Variants in MFHAS1 observed in about 807,000 individuals in gnomAD.
The protein encoded by MFHAS1 is malignant fibrous histiocytoma-amplified sequence 1.
In MFHAS1, 50 loss-of-function variants were observed where a neutral mutation model predicts 70.4. That is an observed-to-expected ratio of 0.71 (90% CI 0.57 to 0.90). MFHAS1 has a LOEUF of 0.90. Among genes scored for constraint, MFHAS1 ranks in the 40% least tolerant of loss-of-function variants. MFHAS1 has a pLI of 0.00. For missense variants in MFHAS1, 1,795 were observed against 1,347.6 expected, an observed-to-expected ratio of 1.33 and a Z score of -5.20; for synonymous variants, 952 against 620.0, an observed-to-expected ratio of 1.54 and a Z score of -7.96.
intron 1 of MFHAS1, among the ~76,000 whole-genome samples, chr8:8,841,011 G>A (rs183967627): frequency 6.6e-6 from 1 of 152,274 alleles, no homozygotes; most frequent in Admixed American, 6.5e-5. Flanking sequence ...CCCATCACAT[G>A]TAATATTTTA....
At position 8,891,117 on chromosome 8, in the gene MFHAS1, G is replaced by A; in HGVS notation, c.1942C>T (p.His648Tyr). 6.2e-7 allele frequency: 1 copy of A among 1,613,842 alleles called. No individual in the cohort carries two copies. Among genetic ancestry groups the A allele is most frequent in the Non-Finnish European group, 8.5e-7 (1 of 1,180,032 alleles). The change falls in exon 1 of 3, where the codon CAC (histidine) becomes TAC (tyrosine). Residue 648 changes from histidine (H) to tyrosine (Y), a missense_variant. Transcript: ENST00000276282. This position sits in a 1 kb window ranked among gnomAD's most constrained non-coding sequence, Gnocchi z 5.4. ...TGTAAGTTGGGGAAGATCTCTCGGTGCTCAGCAACTGACAGCAACTTGTCC... is the reference window on the plus strand; with the variant it reads ...TGTAAGTTGGGGAAGATCTCTCGGTACTCAGCAACTGACAGCAACTTGTCC... ...LRDKLLSVAE[H>Y]REIFPNLHRV...
At chr8:8,821,066 G>T (rs913563214) in intron 1 of MFHAS1, among the ~76,000 whole-genome samples, 1 of 152,162 alleles carries the variant, frequency 6.6e-6, no homozygotes, top group Non-Finnish European at 1.5e-5. Context: ...GAGGCCTCTG[G>T]GTCTCAGTTC....
chr8:8,843,828 C>T (rs1042877816), intron 1 of MFHAS1, among the ~76,000 whole-genome samples: 3 of 152,084 alleles, frequency 2.0e-5, no homozygotes, highest in Non-Finnish European at 4.4e-5. Flanking sequence ...TTAACTTTTA[C>T]GCTAAGGTCC....
chr8:8,864,228 G>C (rs1808775661), intron 1 of MFHAS1, among the ~76,000 whole-genome samples: 1 of 152,126 alleles, frequency 6.6e-6, no homozygotes, highest in Non-Finnish European at 1.5e-5. Flanking sequence ...TGGTGTTCTG[G>C]TAACATAAAC....
chr8:8,813,085 G>C (rs1051023303), intron 1 of MFHAS1, among the ~76,000 whole-genome samples: 3 of 152,014 alleles, frequency 2.0e-5, no homozygotes, highest in Admixed American at 1.3e-4. Flanking sequence ...ATGACTTTTC[G>C]AGCAATGGTA....
chr8:8,812,432 G>A (rs1806583998), intron 1 of MFHAS1, among the ~76,000 whole-genome samples: 1 of 152,154 alleles, frequency 6.6e-6, no homozygotes, highest in African/African-American at 2.4e-5. Context: ...TCTCCTCTGG[G>A]TCGGCTATCT....
rs185198513 is a variant in MFHAS1, at chr8:8,889,508, G to T, written c.2998+553C>A. On this transcript the variant is annotated intron_variant, in intron 1 of 2. Transcript: ENST00000276282. ...AAGCAGAGTGCTTAAATGCTTGAGGGGATGGATACCGCATTTTACAATCTG... is the reference window on the plus strand; with the variant it reads ...AAGCAGAGTGCTTAAATGCTTGAGGTGATGGATACCGCATTTTACAATCTG... Among the ~76,000 whole-genome samples, 534 of 152,256 alleles carry T rather than the reference G, an allele frequency of 3.5e-3. 3 individuals carry two copies. Among genetic ancestry groups the T allele is most frequent in the African/African-American group, 0.012 (513 of 41,542 alleles).
intron 1 of MFHAS1, among the ~76,000 whole-genome samples, chr8:8,880,313 G>T (rs1329941397): frequency 1.3e-5 from 2 of 152,206 alleles, no homozygotes; most frequent in Non-Finnish European, 2.9e-5. Flanking sequence ...CCCTCCAAAG[G>T]TGCTTGGCTG....
At position 8,783,823 on chromosome 8, in the gene MFHAS1, A is replaced by G. The variant is rs1350974674; in HGVS notation, c.*2199T>C. ...TGCATAGACAGCTGAAGAGTCCTGT[A>G]GAGCAGAGTGATTTTTGTATCTCCA... On this transcript the variant is annotated 3_prime_UTR_variant, in exon 3 of 3. Transcript: ENST00000276282. 1.3e-5 allele frequency: 2 copies of G among 152,176 alleles called. No individual in the cohort carries two copies. Among genetic ancestry groups the G allele is most frequent in the African/African-American group, 4.8e-5 (2 of 41,444 alleles). 9.4% of individuals were successfully genotyped at this position (152,176 alleles called of 1,614,324 possible). A position where few individuals can be genotyped will look rare whatever the true frequency, so the allele number is the denominator to read the frequency against.
At chr8:8,816,382 A>G (rs1049269567) in intron 1 of MFHAS1, among the ~76,000 whole-genome samples, 2 of 152,222 alleles carry the variant, frequency 1.3e-5, no homozygotes, top group Non-Finnish European at 2.9e-5. Context: ...AGAAATATCA[A>G]TTGGGGTTAT....
chr8:8,869,140 T>C (rs1808973173), intron 1 of MFHAS1, among the ~76,000 whole-genome samples: 1 of 152,176 alleles, frequency 6.6e-6, no homozygotes, highest in African/African-American at 2.4e-5. Context: ...TGTGCCATCA[T>C]GCAGCTGTTA....
rs1235431884 is a variant in MFHAS1 at position 8,851,143 on chromosome 8, C to T, written c.2998+38918G>A. Among the ~76,000 whole-genome samples, 3 of 152,236 alleles carry T rather than the reference C, an allele frequency of 2.0e-5. No homozygotes were observed. The East Asian group carries it at 5.8e-4, about 29-fold the overall frequency. On this transcript the variant is annotated intron_variant, in intron 1 of 2. Transcript: ENST00000276282. ...TACAGAAGATGAAAAATACATTTTT[C>T]TCTTTTTCCTAACCCTTGGTGGTTT...
intron 1 of MFHAS1, among the ~76,000 whole-genome samples, chr8:8,875,301 A>C (rs74999422): frequency 6.6e-6 from 1 of 152,242 alleles, no homozygotes; most frequent in African/African-American, 2.4e-5. Flanking sequence ...CAAGAGCACA[A>C]ATGGTTGGAT....
At chr8:8,814,543 C>G (rs1328477521) in intron 1 of MFHAS1, among the ~76,000 whole-genome samples, 1 of 152,044 alleles carries the variant, frequency 6.6e-6, no homozygotes, top group Admixed American at 6.5e-5. Context: ...AAATGGTAAG[C>G]CTGTCATGAA....
At chr8:8,883,228 T>C (rs2116933363) in intron 1 of MFHAS1, among the ~76,000 whole-genome samples, 1 of 152,186 alleles carries the variant, frequency 6.6e-6, no homozygotes, top group Middle Eastern at 3.4e-3. Flanking sequence ...TGATGTGCTT[T>C]CCACAAAGAC....
intron 1 of MFHAS1, among the ~76,000 whole-genome samples, chr8:8,803,950 C>T (rs987828019): frequency 2.0e-5 from 3 of 152,076 alleles, no homozygotes; most frequent in African/African-American, 4.8e-5. Flanking sequence ...CCAGCCTGGG[C>T]GACAGAGTGA....
At chr8:8,867,610 T>C (rs573216575) in intron 1 of MFHAS1, among the ~76,000 whole-genome samples, 26 of 151,272 alleles carry the variant, frequency 1.7e-4, no homozygotes, top group African/African-American at 5.8e-4. Flanking sequence ...TAGGCTGGAG[T>C]GCAGTGGCGC....
At chr8:8,854,263 T>G (rs112340173) in intron 1 of MFHAS1, among the ~76,000 whole-genome samples, 1 of 152,098 alleles carries the variant, frequency 6.6e-6, no homozygotes, top group Admixed American at 6.5e-5. Flanking sequence ...CCAGGTGCAG[T>G]GGCTCACGCC....
At chr8:8,804,783 C>T (rs10109078) in intron 1 of MFHAS1, among the ~76,000 whole-genome samples, 21,425 of 152,226 alleles carry the variant, frequency 0.14, 2,329 homozygotes, top group African/African-American at 0.31. Flanking sequence ...GGAAGCCGTG[C>T]CAGGCCCACA....
Sources: allele counts gnomAD v4.1 joint callset (sites outside exome capture counted in the v4.1 genomes callset), GRCh38; gene constraint gnomAD v4.1.1; non-coding constraint Gnocchi (gnomAD v3.1); transcripts MANE v1.5; gene names NCBI Gene and HGNC (gene_info 2026-07-23, HGNC 2026-07-21).